Variants in ASIP observed in about 807,000 individuals in gnomAD.
The protein encoded by ASIP is agouti signaling protein.
Under a neutral mutation model 10.3 loss-of-function variants are expected in ASIP, and 11 were observed. That is an observed-to-expected ratio of 1.07 (90% CI 0.68 to 1.78). The LOEUF is 1.78. Among genes scored for constraint, ASIP ranks in the 40% most tolerant of loss-of-function variants. ASIP has a pLI of 0.00. For synonymous variants in ASIP, 70 were observed against 70.8 expected (o/e 0.99, Z 0.06); for missense variants, 180 against 169.2 (o/e 1.06, Z -0.35).
At chr20:34,217,152 G>C (rs946335735) in intron 1 of ASIP, among the ~76,000 whole-genome samples, 2 of 152,104 alleles carry the variant, frequency 1.3e-5, no homozygotes, top group Admixed American at 1.3e-4. Context: ...TGAAAGCCTG[G>C]AGAGGCTGCG....
upstream of ASIP, among the ~76,000 whole-genome samples, chr20:34,238,762 G>A (rs922169001): frequency 6.6e-6 from 1 of 152,018 alleles, no homozygotes; most frequent in Non-Finnish European, 1.5e-5. Context: ...GTTTAATAAT[G>A]TGGTAACTCT....
intron 1 of ASIP, chr20:34,215,749 A>G (rs2035003947): frequency 6.7e-7 from 1 of 1,482,348 alleles, no homozygotes; most frequent in Non-Finnish European, 9.4e-7. Flanking sequence ...CATGATCATC[A>G]CTATATGTCC....
intron 1 of ASIP, among the ~76,000 whole-genome samples, chr20:34,204,593 T>C (rs1249693281): frequency 2.6e-5 from 4 of 152,150 alleles, no homozygotes; most frequent in Non-Finnish European, 4.4e-5. Flanking sequence ...AAAGTGAAAA[T>C]AGCAGGCATC....
intron 1 of ASIP, among the ~76,000 whole-genome samples, chr20:34,206,948 G>A (rs1481970703): frequency 6.6e-6 from 1 of 152,162 alleles, no homozygotes; most frequent in Non-Finnish European, 1.5e-5. Flanking sequence ...ATTGTGAATA[G>A]GGCTGCAATA....
intron 1 of ASIP, among the ~76,000 whole-genome samples, chr20:34,252,163 G>A (rs558538078): frequency 1.3e-3 from 203 of 152,318 alleles, no homozygotes; most frequent in Non-Finnish European, 2.2e-3. Context: ...CAGGTGGGAC[G>A]AGAGACTGAG....
chr20:34,237,906 A>C (rs900644254), upstream of ASIP, among the ~76,000 whole-genome samples: 1 of 152,132 alleles, frequency 6.6e-6, no homozygotes, highest in Admixed American at 6.6e-5. Context: ...ATCAATTGAG[A>C]TAATCTGATA....
chr20:34,258,133 G>A (rs993864403), intron 1 of ASIP, among the ~76,000 whole-genome samples: 2 of 151,176 alleles, frequency 1.3e-5, no homozygotes, highest in South Asian at 2.1e-4. Context: ...AACAGAGTGA[G>A]ATTCCATCTT....
chr20:34,188,535 A>G, the ASIP span, among the ~76,000 whole-genome samples: 1 of 152,226 alleles, frequency 6.6e-6, no homozygotes, highest in Admixed American at 6.5e-5. Context: ...CTTTTTAATC[A>G]AGAAAATAGA....
upstream of ASIP, among the ~76,000 whole-genome samples, chr20:34,239,471 C>T (rs993348215): frequency 6.6e-6 from 1 of 152,198 alleles, no homozygotes; most frequent in Non-Finnish European, 1.5e-5. Context: ...CCCACCTCGG[C>T]CTCCCAATCA....
intron 1 of ASIP, chr20:34,213,745 A>G (rs1472979963): frequency 1.8e-5 from 27 of 1,507,904 alleles, no homozygotes; most frequent in Admixed American, 6.7e-5. Context: ...TCGATGAAGG[A>G]AAGTACAGAC....
chr20:34,214,029 C>G, intron 1 of ASIP: 1 of 1,429,128 alleles, frequency 7.0e-7, no homozygotes, highest in Non-Finnish European at 9.8e-7. Flanking sequence ...AGGCTTCTTT[C>G]CTTTCTGCCG....
chr20:34,221,150 G>T (rs975989748), intron 1 of ASIP, among the ~76,000 whole-genome samples: 1 of 151,580 alleles, frequency 6.6e-6, no homozygotes, highest in Non-Finnish European at 1.5e-5. Context: ...AGGCTGAGGC[G>T]GGTGGATCAC....
rs2035292262 is a variant in ASIP, at chr20:34,242,074, G to A, written c.-11+585G>A. Among the ~76,000 whole-genome samples the A allele has an allele frequency of 2.0e-5, 3 of 152,092 alleles. No homozygotes were observed. The South Asian group carries it at 6.2e-4, about 31-fold the overall frequency. Reference sequence around the variant, plus strand: ...GCTCAGGTTAATGTTTTCAATTGTAGGTGAGTTCGCTCTGCTTCAGTGATA... The same window carrying A: ...GCTCAGGTTAATGTTTTCAATTGTAAGTGAGTTCGCTCTGCTTCAGTGATA... On this transcript the variant is annotated intron_variant, in intron 1 of 3. Coordinates refer to ENST00000374954, the MANE Select transcript of ASIP (RefSeq NM_001672.3).
intron 2 of ASIP, among the ~76,000 whole-genome samples, chr20:34,262,310 A>G (rs2035707230): frequency 6.6e-6 from 1 of 152,238 alleles, no homozygotes; most frequent in Admixed American, 6.5e-5. Flanking sequence ...ACTGAGTCTC[A>G]TGGAGGATAA....
chr20:34,207,510 C>T (rs986066713), intron 1 of ASIP, among the ~76,000 whole-genome samples: 5 of 152,084 alleles, frequency 3.3e-5, no homozygotes, highest in African/African-American at 1.2e-4. Context: ...GTTTCCTTTG[C>T]TGTGCAGGTT....
chr20:34,223,491 G>A (rs1285344325), intron 1 of ASIP, among the ~76,000 whole-genome samples: 5 of 152,000 alleles, frequency 3.3e-5, no homozygotes, highest in South Asian at 2.1e-4. Context: ...CGTCCGGGAG[G>A]GAGGTGGGGG....
chr20:34,200,392 C>T (rs1479796422), intron 1 of ASIP, among the ~76,000 whole-genome samples: 1 of 152,176 alleles, frequency 6.6e-6, no homozygotes, highest in African/African-American at 2.4e-5. Flanking sequence ...ATTGGCATCC[C>T]TCAAATTGGC....
chr20:34,194,532 A>G (rs1601566467), upstream of ASIP: 5 of 151,758 alleles, frequency 3.3e-5, no homozygotes, highest in Middle Eastern at 0.01. Context: ...AAGGAAAAAA[A>G]AAAAAAAGAA....
At chr20:34,260,749 A>T (rs1302832672) in intron 2 of ASIP, among the ~76,000 whole-genome samples, 1 of 152,250 alleles carries the variant, frequency 6.6e-6, no homozygotes, top group African/African-American at 2.4e-5. Context: ...CATATGGTAG[A>T]GGCTCTGAAA....
Sources: allele counts gnomAD v4.1 joint callset (sites outside exome capture counted in the v4.1 genomes callset), GRCh38; gene constraint gnomAD v4.1.1; transcripts MANE v1.5; gene names NCBI Gene and HGNC (gene_info 2026-07-23, HGNC 2026-07-21).